AVEN: variants seen among roughly 807,000 people sequenced by gnomAD.
The protein encoded by AVEN is apoptosis and caspase activation inhibitor.
A neutral mutation model predicts 38.1 loss-of-function variants in AVEN; 41 were observed. That is an observed-to-expected ratio of 1.08 (90% CI 0.84 to 1.40). AVEN has a LOEUF of 1.40. Among genes scored for constraint, AVEN ranks in the 40% most tolerant of loss-of-function variants. AVEN has a pLI of 0.00. For missense variants in AVEN, 605 were observed against 438.8 expected (o/e 1.38, Z -3.38); for synonymous variants, 206 against 171.8 (o/e 1.20, Z -1.56).
intron 2 of AVEN, among the ~76,000 whole-genome samples, chr15:33,995,997 C>G (rs1185819391): frequency 7.1e-6 from 1 of 141,410 alleles, no homozygotes; most frequent in African/African-American, 2.7e-5. Context: ...GCTTTTCCAA[C>G]AGTCTTAGCA....
chr15:33,867,623 A>T lies in AVEN; in HGVS notation c.845T>A (p.Leu282Ter), dbSNP rs746882704. 9 of 1,614,104 alleles carry T rather than the reference A, an allele frequency of 5.6e-6. No homozygotes were observed. The highest frequency in any genetic ancestry group is 7.6e-6 in the Non-Finnish European group (9 of 1,180,056). Residue 282 changes from leucine to a stop codon, truncating the protein, a stop_gained, in exon 5 of 6, where the codon TTG becomes TAG. Transcript: ENST00000306730. LOFTEE classifies it high-confidence loss of function. ...AAGCAACAGATCTAGTTCTTCTTCC[A>T]AATGGTCTCCTGCTGACTGCAGTGG... ...TSPLQSAGDH[L>*]EEELDLLLNL...
At chr15:33,992,163 G>C (rs1405235718) in intron 2 of AVEN, 2 of 152,272 alleles carry the variant, frequency 1.3e-5, no homozygotes, top group Non-Finnish European at 2.9e-5. Flanking sequence ...AAGGCAGGGG[G>C]ATCACGAAGT....
At chr15:34,038,127 T>C (rs1252057067) in intron 1 of AVEN, among the ~76,000 whole-genome samples, 1 of 152,190 alleles carries the variant, frequency 6.6e-6, no homozygotes, top group Non-Finnish European at 1.5e-5. Context: ...CATTTATAAA[T>C]TGAAAATTCA....
Position 33,906,930 on chromosome 15 carries a change from T to C in AVEN, c.446-30935A>G, listed in dbSNP as rs957272885. On this transcript the variant is annotated intron_variant, in intron 2 of 5. Transcript: ENST00000306730. Reference sequence around the variant, plus strand: ...ACACAATTTTTAAAATGTATTCATCTAGTTTTTAAAAAGGGGTGTGGGGGG... The same window carrying C: ...ACACAATTTTTAAAATGTATTCATCCAGTTTTTAAAAAGGGGTGTGGGGGG... Among the ~76,000 whole-genome samples the C allele has an allele frequency of 2.0e-5, 3 of 152,032 alleles. No homozygotes were observed. In the East Asian group the frequency reaches 5.8e-4, roughly 29 times the overall value.
At chr15:34,019,516 C>T (rs569744148) in intron 1 of AVEN, among the ~76,000 whole-genome samples, 1 of 152,254 alleles carries the variant, frequency 6.6e-6, no homozygotes, top group African/African-American at 2.4e-5. Context: ...ATGTCCTAGG[C>T]CTTCCTATTC....
rs535169164 is a variant in AVEN at position 33,986,384 on chromosome 15, C to A, written c.445+16648G>T. On this transcript the variant is annotated intron_variant, in intron 2 of 5. Transcript: ENST00000306730. Reference sequence around the variant, plus strand: ...TCGGCCTCCCAAAGTGCTGGGATTACAGGCGTAAGCCACCGCGCCCGGCCC... The same window carrying A: ...TCGGCCTCCCAAAGTGCTGGGATTAAAGGCGTAAGCCACCGCGCCCGGCCC... 3.3e-5 allele frequency among the ~76,000 whole-genome samples: 5 copies of A among 152,114 alleles called. No individual in the cohort carries two copies. In the East Asian group the frequency reaches 9.7e-4, roughly 30 times the overall value.
intron 2 of AVEN, among the ~76,000 whole-genome samples, chr15:33,893,801 C>G (rs1200400821): frequency 1.3e-5 from 2 of 152,150 alleles, no homozygotes; most frequent in African/African-American, 2.4e-5. Context: ...TTAGCTACTT[C>G]TGGCTCAGAC....
At chr15:33,985,465 T>C (rs949658700) in intron 2 of AVEN, among the ~76,000 whole-genome samples, 3 of 109,492 alleles carry the variant, frequency 2.7e-5, no homozygotes, top group East Asian at 2.6e-4. Flanking sequence ...CTTGAGTAAG[T>C]AGAAGCAACC....
chr15:33,951,403 G>A (rs894094237), intron 2 of AVEN, among the ~76,000 whole-genome samples: 1 of 151,666 alleles, frequency 6.6e-6, no homozygotes, highest in African/African-American at 2.4e-5. Flanking sequence ...TCATACACCG[G>A]GGCCTGTCAA....
intron 2 of AVEN, among the ~76,000 whole-genome samples, chr15:33,936,103 A>G (rs1438644931): frequency 2.0e-5 from 3 of 152,150 alleles, no homozygotes; most frequent in Non-Finnish European, 4.4e-5. Flanking sequence ...AACATTACAT[A>G]TCATGGTGAG....
downstream of AVEN, chr15:33,856,588 C>A: frequency 6.6e-6 from 1 of 152,294 alleles, no homozygotes; most frequent in Middle Eastern, 3.2e-3. Flanking sequence ...TTATCCAGTG[C>A]ATGATTATTT....
intron 1 of AVEN, among the ~76,000 whole-genome samples, chr15:34,031,438 G>A (rs1898815610): frequency 6.6e-6 from 1 of 152,098 alleles, no homozygotes; most frequent in African/African-American, 2.4e-5. Flanking sequence ...GCCTCCCAAA[G>A]TGCTGGGATT....
chr15:33,870,876 C>G (rs1890917750), intron 4 of AVEN, 59 bp downstream of exon 4: 9 of 1,257,196 alleles, frequency 7.2e-6, no homozygotes. Flanking sequence ...GGAAGTGTTC[C>G]CCTCTTTTTC....
intron 5 of AVEN, among the ~76,000 whole-genome samples, chr15:34,050,777 G>A (rs1899901942): frequency 3.3e-5 from 5 of 152,152 alleles, no homozygotes; most frequent in Admixed American, 2.0e-4. Flanking sequence ...ATGGTAAAGG[G>A]TTCAATTCAA....
intron 2 of AVEN, among the ~76,000 whole-genome samples, chr15:33,992,530 G>C (rs1304212508): frequency 6.6e-6 from 1 of 152,114 alleles, no homozygotes; most frequent in Non-Finnish European, 1.5e-5. Flanking sequence ...CTGTCAGCCA[G>C]AACAAATTTT....
At chr15:33,944,581 G>A (rs190367059) in intron 2 of AVEN, among the ~76,000 whole-genome samples, 3 of 152,236 alleles carry the variant, frequency 2.0e-5, no homozygotes, top group East Asian at 1.9e-4. Flanking sequence ...AGGCCGAGGC[G>A]GGTGGATCAC....
upstream of AVEN, among the ~76,000 whole-genome samples, chr15:34,040,351 A>G (rs894348238): frequency 9.2e-5 from 14 of 152,316 alleles, no homozygotes; most frequent in African/African-American, 3.1e-4. Context: ...CATGAGAAAT[A>G]GACCCCTGAG....
intron 1 of AVEN, among the ~76,000 whole-genome samples, chr15:34,012,293 G>A (rs1897670222): frequency 6.6e-6 from 1 of 152,104 alleles, no homozygotes; most frequent in Non-Finnish European, 1.5e-5. Context: ...CACACAATAA[G>A]TAGTGACACA....
intron 2 of AVEN, among the ~76,000 whole-genome samples, chr15:33,963,458 A>G (rs985903512): frequency 6.6e-6 from 1 of 152,156 alleles, no homozygotes; most frequent in Admixed American, 6.5e-5. Flanking sequence ...GTGCTTCCCT[A>G]AAGATCAGAT....
Sources: allele counts gnomAD v4.1 joint callset (sites outside exome capture counted in the v4.1 genomes callset), GRCh38; gene constraint gnomAD v4.1.1; transcripts MANE v1.5; gene names NCBI Gene and HGNC (gene_info 2026-07-23, HGNC 2026-07-21).